Variants in ROCK2 observed in about 807,000 individuals in gnomAD.
ROCK2 encodes the protein rho-associated protein kinase 2.
A neutral mutation model predicts 195.1 loss-of-function variants in ROCK2; 61 were observed. That is an observed-to-expected ratio of 0.31 (90% CI 0.25 to 0.39). ROCK2 has a LOEUF of 0.39. Among genes scored for constraint, ROCK2 ranks in the 10% least tolerant of loss-of-function variants. The pLI is 1.00. For missense variants in ROCK2, 1,109 were observed against 1,637.4 expected, an observed-to-expected ratio of 0.68 and a Z score of 5.57; for synonymous variants, 504 against 545.5, an observed-to-expected ratio of 0.92 and a Z score of 1.06.
chr2:11,244,733 C>T lies in ROCK2; in HGVS notation c.462+4928G>A, dbSNP rs150095226. 7.2e-3 allele frequency among the ~76,000 whole-genome samples: 1,086 copies of T among 151,472 alleles called. 15 individuals carry two copies. The highest frequency in any genetic ancestry group is 0.025 in the African/African-American group (1,034 of 41,250). ...CATGACCTTGCCACTGTACTAAATA[C>T]AGCCTGGGCAACAGAGTGAGATCCT... On this transcript the variant is annotated intron_variant, in intron 4 of 32. Transcript: ENST00000315872.
At chr2:11,248,662 T>C (rs903584306) in intron 4 of ROCK2, among the ~76,000 whole-genome samples, 39 of 117,240 alleles carry the variant, frequency 3.3e-4, no homozygotes, top group African/African-American at 1.3e-3. Flanking sequence ...TGAACAGAGA[T>C]TCCAACACTG....
chr2:11,193,726 TG>T, intron 30 of ROCK2, 52 bp downstream of exon 30: 1 of 1,053,572 alleles, frequency 9.5e-7, no homozygotes, highest in Non-Finnish European at 1.4e-6. Flanking sequence ...CTTCTAAATG[TG>T]AAAAAAACAA....
At chr2:11,267,145 G>A (rs1350420964) in intron 3 of ROCK2, among the ~76,000 whole-genome samples, 1 of 152,036 alleles carries the variant, frequency 6.6e-6, no homozygotes, top group Non-Finnish European at 1.5e-5. Flanking sequence ...AACTACACAG[G>A]TATGCAGAAA....
rs75866234 is a variant in ROCK2 at position 11,334,787 on chromosome 2, T to C, written c.141+9209A>G. Reference sequence around the variant, plus strand: ...ACTTCGCTAATTCATTTCCATGGCATAGAAACCTCAATAATTAAACATTAG... The same window carrying C: ...ACTTCGCTAATTCATTTCCATGGCACAGAAACCTCAATAATTAAACATTAG... On this transcript the variant is annotated intron_variant, in intron 1 of 32. Coordinates refer to ENST00000315872, the MANE Select transcript of ROCK2 (RefSeq NM_004850.5). Among the ~76,000 whole-genome samples, 9 of 150,638 alleles carry C rather than the reference T, an allele frequency of 6.0e-5. 1 individual carries two copies. Among genetic ancestry groups the C allele is most frequent in the Non-Finnish European group, 1.0e-4 (7 of 67,376 alleles).
intron 3 of ROCK2, among the ~76,000 whole-genome samples, chr2:11,254,059 A>T (rs754001887): frequency 2.0e-5 from 3 of 152,232 alleles, no homozygotes; most frequent in Non-Finnish European, 4.4e-5. Flanking sequence ...TGAACAAATC[A>T]CTAATGGAAA....
chr2:11,248,812 A>T (rs1162432732), intron 4 of ROCK2, among the ~76,000 whole-genome samples: 1 of 151,698 alleles, frequency 6.6e-6, no homozygotes, highest in Non-Finnish European at 1.5e-5. Flanking sequence ...TAGGAGCCAC[A>T]ATATTGTAGA....
chr2:11,294,082 G>A (rs1375013604), intron 1 of ROCK2, among the ~76,000 whole-genome samples: 3 of 151,908 alleles, frequency 2.0e-5, no homozygotes, highest in Non-Finnish European at 2.9e-5. Flanking sequence ...GCGTGAACCC[G>A]GGAGGTGGAG....
chr2:11,308,740 C>G, intron 1 of ROCK2: 1 of 1,612,166 alleles, frequency 6.2e-7, no homozygotes, highest in African/African-American at 1.3e-5. Flanking sequence ...CAGCTATCTT[C>G]TTTGAATTCA....
At chr2:11,270,080 C>T (rs1005690571) in intron 3 of ROCK2, among the ~76,000 whole-genome samples, 8 of 152,168 alleles carry the variant, frequency 5.3e-5, no homozygotes, top group African/African-American at 1.9e-4. Context: ...AGGATAATTT[C>T]CTAAAGTGCA....
intron 1 of ROCK2, among the ~76,000 whole-genome samples, chr2:11,331,656 G>A (rs544982449): frequency 2.6e-5 from 4 of 152,318 alleles, no homozygotes; most frequent in Non-Finnish European, 5.9e-5. Context: ...GCCAGGCGCG[G>A]TGGCTCACGC....
intron 1 of ROCK2, chr2:11,308,383 G>C: frequency 2.7e-6 from 4 of 1,490,618 alleles, no homozygotes; most frequent in Non-Finnish European, 3.7e-6. Context: ...GAAGAATTTT[G>C]GCACCTGGTG....
chr2:11,214,778 TAA>T (rs1664366892), intron 16 of ROCK2, 60 bp downstream of exon 16: 2 of 1,460,906 alleles, frequency 1.4e-6, no homozygotes, highest in Non-Finnish European at 9.3e-7. Context: ...ATCCATCATC[TAA>T]AGTTATTTTT....
At chr2:11,200,858 A>G in intron 23 of ROCK2, 99 bp downstream of exon 23, 1 of 1,046,718 alleles carries the variant, frequency 9.6e-7, no homozygotes, top group Non-Finnish European at 1.3e-6. Flanking sequence ...CAGCATATAT[A>G]ATTTTTCATT....
chr2:11,274,102 C>T (rs1360079032), intron 3 of ROCK2, among the ~76,000 whole-genome samples: 11 of 150,742 alleles, frequency 7.3e-5, no homozygotes, highest in Admixed American at 7.3e-4. Flanking sequence ...CGGAATACAG[C>T]AAAAGTAGTA....
intron 1 of ROCK2, among the ~76,000 whole-genome samples, chr2:11,339,957 A>G (rs921178342): frequency 8.5e-5 from 13 of 152,324 alleles, no homozygotes; most frequent in Non-Finnish European, 1.9e-4. Flanking sequence ...ATATTTGCAT[A>G]CTATATTTTT....
rs1438714629 is a variant in ROCK2, at chr2:11,181,078, T to C, written c.*2359A>G. ...CACCATGATTCCCCATATTCTCTAA[T>C]ATATACAGCATTCCAAATTTAAACT... On this transcript the variant is annotated 3_prime_UTR_variant, in exon 33 of 33. Coordinates refer to ENST00000315872, the MANE Select transcript of ROCK2 (RefSeq NM_004850.5). The C allele has an allele frequency of 6.6e-6, 1 of 151,512 alleles. No homozygotes were observed. Among genetic ancestry groups the C allele is most frequent in the Non-Finnish European group, 1.5e-5 (1 of 67,894 alleles). The allele number at this position is 151,512 out of a possible 1,614,324, so 9.4% of individuals were successfully genotyped here. A position where few individuals can be genotyped will look rare whatever the true frequency, so the allele number is the denominator to read the frequency against.
intron 3 of ROCK2, among the ~76,000 whole-genome samples, chr2:11,262,592 G>C (rs937108959): frequency 6.6e-6 from 1 of 152,136 alleles, no homozygotes; most frequent in Non-Finnish European, 1.5e-5. Flanking sequence ...TATTATAAGG[G>C]GGGAGTTTTC....
chr2:11,208,365 A>C lies in ROCK2; in HGVS notation c.2286T>G (p.Ser762=). The C allele has an allele frequency of 6.4e-7, 1 of 1,552,714 alleles. No homozygotes were observed. The highest frequency in any genetic ancestry group is 8.8e-7 in the Non-Finnish European group (1 of 1,141,660). Residue 762 remains serine, a synonymous_variant, in exon 19 of 33, where the codon TCT becomes TCG. Transcript: ENST00000315872. ...ACTGTTTGAGGTCACAGTCTAATAG[A>C]GAACATCTTTTCTCAGCTTCTAGCA... ...NLLLEAEKRC[S]LLDCDLKQSQ... is the part of the protein sequence containing the mutation.
chr2:11,278,877 G>A (rs7591028), intron 3 of ROCK2, among the ~76,000 whole-genome samples: 1,643 of 152,226 alleles, frequency 0.011, 25 homozygotes, highest in African/African-American at 0.037. Context: ...GCCTCTCAAA[G>A]TGCTGAGATT....
Sources: allele counts gnomAD v4.1 joint callset (sites outside exome capture counted in the v4.1 genomes callset), GRCh38; gene constraint gnomAD v4.1.1; transcripts MANE v1.5; gene names NCBI Gene and HGNC (gene_info 2026-07-23, HGNC 2026-07-21).